PURG: variants seen among roughly 807,000 people sequenced by gnomAD.
PURG encodes the protein purine-rich element-binding protein gamma.
A neutral mutation model predicts 24.3 loss-of-function variants in PURG; 3 were observed. The ratio of observed to expected loss-of-function variants is 0.12; its 90% CI spans 0.06 to 0.32. PURG has a LOEUF of 0.32. PURG is among the 10% of genes least tolerant of loss of function. The pLI, the probability that PURG is intolerant of heterozygous loss-of-function variation, is 1.00. For synonymous variants in PURG, 180 were observed against 173.1 expected, an observed-to-expected ratio of 1.04 and a Z score of -0.31; for missense variants, 371 against 439.1, an observed-to-expected ratio of 0.84 and a Z score of 1.39.
chr8:31,005,768 TTTC>T lies in PURG; in HGVS notation c.865-9074_865-9072del, dbSNP rs200262432. Among the ~76,000 whole-genome samples, 650 of 75,634 alleles carry T rather than the reference TTTC, an allele frequency of 8.6e-3. 10 individuals are homozygous for T. The highest frequency in any genetic ancestry group is 0.032 in the African/African-American group (633 of 19,922). The allele number at this position is 75,634 out of a possible 152,430, so 49.6% of individuals were successfully genotyped here. Reference sequence around the variant, plus strand: ...CAGAAATTGCTTAGCATTTTTCTTTTTTCTTTTTTTTTTTTTTCATTTCAAAAC... The same window carrying T: ...CAGAAATTGCTTAGCATTTTTCTTTTTTTTTTTTTTTTTTCATTTCAAAAC... On this transcript the variant is annotated intron_variant, in intron 1 of 1. Coordinates refer to the PURG transcript ENST00000339382.
chr8:31,033,089 CATCACCGCCGCCGCCGATGCCCTTCACG>C lies in PURG; in HGVS notation c.-46_-19del. ...CGGCGGGCACTCACATCATCTCTGCCATCACCGCCGCCGCCGATGCCCTTCACGACCACCGCCGCCGCCACCGCCAGCT... is the reference window on the plus strand; with the variant it reads ...CGGCGGGCACTCACATCATCTCTGCCACCACCGCCGCCGCCACCGCCAGCT... On this transcript the variant is annotated 5_prime_UTR_variant, in exon 1 of 2. It removes an upstream start codon present in the reference 5' UTR. Transcript: ENST00000523392. 1 of 219,538 alleles carries C rather than the reference CATCACCGCCGCCGCCGATGCCCTTCACG, an allele frequency of 4.6e-6. No individual in the cohort carries two copies. Among genetic ancestry groups the C allele is most frequent in the Non-Finnish European group, 8.9e-6 (1 of 112,374 alleles). The allele number at this position is 219,538 out of a possible 1,614,324, so 13.6% of individuals were successfully genotyped here. A position where few individuals can be genotyped will look rare whatever the true frequency, so the allele number is the denominator to read the frequency against.
At chr8:31,014,106 C>G (rs536506021) in intron 1 of PURG, among the ~76,000 whole-genome samples, 12 of 152,068 alleles carry the variant, frequency 7.9e-5, no homozygotes, top group Admixed American at 2.0e-4. Flanking sequence ...TTAAAAAAAT[C>G]TGAATTATTC....
At chr8:31,022,863 A>G (rs1467490357) in intron 1 of PURG, among the ~76,000 whole-genome samples, 4 of 152,262 alleles carry the variant, frequency 2.6e-5, no homozygotes, top group African/African-American at 9.6e-5. Context: ...TTAGCAAATG[A>G]TAAGGAATGT....
downstream of PURG, among the ~76,000 whole-genome samples, chr8:31,026,655 T>TAC (rs1427993067): frequency 1.6e-5 from 2 of 123,132 alleles, no homozygotes; most frequent in Non-Finnish European, 3.7e-5. Context: ...TATATATATA[T>TAC]ATATATACAT....
rs910567937 is a variant in PURG at position 31,033,217 on chromosome 8, C to T, written c.-146G>A. 5.2e-6 allele frequency: 1 copy of T among 190,482 alleles called. No individual in the cohort carries two copies. Among genetic ancestry groups the T allele is most frequent in the African/African-American group, 2.4e-5 (1 of 41,948 alleles). The allele number at this position is 190,482 out of a possible 1,614,324, so 11.8% of individuals were successfully genotyped here. A position where few individuals can be genotyped will look rare whatever the true frequency, so the allele number is the denominator to read the frequency against. On this transcript the variant is annotated 5_prime_UTR_variant, in exon 1 of 2. Coordinates refer to ENST00000523392, the MANE Select transcript of PURG (RefSeq NM_001323311.2). The stretch of plus-strand genomic sequence containing the variant: ...CCCGCCGCCGCCGCTCGCACTGCCC[C>T]CCGCCGGAGCAGCCGGGCAGGGGCA...
At chr8:31,026,506 G>A (rs1811091576), downstream of PURG, among the ~76,000 whole-genome samples, 1 of 150,894 alleles carries the variant, frequency 6.6e-6, no homozygotes, top group African/African-American at 2.4e-5. Flanking sequence ...TTCAAATTAA[G>A]TGATATGTTA....
chr8:31,014,826 T>G (rs1488722093), intron 1 of PURG, among the ~76,000 whole-genome samples: 2 of 151,952 alleles, frequency 1.3e-5, no homozygotes, highest in Admixed American at 1.3e-4. Flanking sequence ...AACAAACAAA[T>G]AAAATACCAA....
At chr8:31,026,695 C>G (rs928514779), downstream of PURG, among the ~76,000 whole-genome samples, 2 of 147,888 alleles carry the variant, frequency 1.4e-5, no homozygotes, top group Admixed American at 6.8e-5. Flanking sequence ...CAGAGTAACT[C>G]TAGAAGGATA....
chr8:31,018,057 G>T (rs1810909721), intron 1 of PURG, among the ~76,000 whole-genome samples: 1 of 152,056 alleles, frequency 6.6e-6, no homozygotes, highest in Non-Finnish European at 1.5e-5. Flanking sequence ...TTTCTTTGAA[G>T]ATTATAAAAG....
intron 1 of PURG, among the ~76,000 whole-genome samples, chr8:31,008,782 T>C (rs899739093): frequency 6.6e-6 from 1 of 152,238 alleles, no homozygotes; most frequent in African/African-American, 2.4e-5. Flanking sequence ...TTACATAAAC[T>C]GCTCCAAATT....
At chr8:30,996,080 A>C (rs1437866305) in exon 2 of PURG, 1 of 152,232 alleles carries the variant, frequency 6.6e-6, no homozygotes, top group Non-Finnish European at 1.5e-5. Context: ...AATACAAGGC[A>C]ATTTATGATT....
chr8:31,006,021 C>T (rs971723921), intron 1 of PURG, among the ~76,000 whole-genome samples: 1 of 152,078 alleles, frequency 6.6e-6, no homozygotes, highest in African/African-American at 2.4e-5. Flanking sequence ...TGGTCTATCA[C>T]ACTTCAAAAT....
chr8:31,003,420 A>G (rs1810579079), intron 1 of PURG, among the ~76,000 whole-genome samples: 1 of 151,802 alleles, frequency 6.6e-6, no homozygotes, highest in East Asian at 1.9e-4. Context: ...TGATATAAGC[A>G]TTATAGTACT....
chr8:31,032,849 G>A lies in PURG; in HGVS notation c.-6-61C>T. 1 of 1,220,788 alleles carries A rather than the reference G, an allele frequency of 8.2e-7. No homozygotes were observed. The highest frequency in any genetic ancestry group is 1.0e-6 in the Non-Finnish European group (1 of 965,994). 75.6% of individuals were successfully genotyped at this position (1,220,788 alleles called of 1,614,324 possible). A position where few individuals can be genotyped will look rare whatever the true frequency, so the allele number is the denominator to read the frequency against. Reference sequence around the variant, plus strand: ...GGGAGGGGTGTTGAGAACAATCGCAGACGCCCCTCGGCCTGACCGCCCCGC... The same window carrying A: ...GGGAGGGGTGTTGAGAACAATCGCAAACGCCCCTCGGCCTGACCGCCCCGC... On this transcript the variant is annotated intron_variant, in intron 1 of 1. Transcript: ENST00000523392. The surrounding 1 kb of genome is among the most constrained non-coding windows in gnomAD (Gnocchi z 5.9).
intron 1 of PURG, among the ~76,000 whole-genome samples, chr8:31,024,812 C>T (rs1337622676): frequency 6.6e-6 from 1 of 151,854 alleles, no homozygotes; most frequent in Non-Finnish European, 1.5e-5. Flanking sequence ...AAAAAAACAA[C>T]ATAAGCTTTT....
At position 31,006,019 on chromosome 8, in the gene PURG, C is replaced by T. The variant is rs146520379; in HGVS notation, c.865-9322G>A. Reference sequence around the variant, plus strand: ...ACAATCAAGTGTATACATGGTCTATCACACTTCAAAATCACGTTGAATGCC... The same window carrying T: ...ACAATCAAGTGTATACATGGTCTATTACACTTCAAAATCACGTTGAATGCC... On this transcript the variant is annotated intron_variant, in intron 1 of 1. Coordinates refer to the PURG transcript ENST00000339382. Among the ~76,000 whole-genome samples the T allele has an allele frequency of 4.7e-3, 716 of 152,182 alleles. 13 individuals are homozygous for T. The highest frequency in any genetic ancestry group is 0.017 in the African/African-American group (696 of 41,514).
intron 1 of PURG, among the ~76,000 whole-genome samples, chr8:30,999,052 G>A (rs137894971): frequency 3.8e-4 from 58 of 151,922 alleles, no homozygotes; most frequent in Admixed American, 1.1e-3. Flanking sequence ...CAGAATGTAT[G>A]TGTATGGGTA....
At chr8:31,024,779 AT>A (rs1281500135) in intron 1 of PURG, among the ~76,000 whole-genome samples, 7 of 152,110 alleles carry the variant, frequency 4.6e-5, no homozygotes, top group African/African-American at 7.2e-5. Context: ...AATCAGATTT[AT>A]ACCATTATTT....
At chr8:31,027,045 T>C (rs1811103959), downstream of PURG, among the ~76,000 whole-genome samples, 1 of 151,770 alleles carries the variant, frequency 6.6e-6, no homozygotes, top group Non-Finnish European at 1.5e-5. Flanking sequence ...ATTGCTACAG[T>C]ATGGTGGACT....
Sources: allele counts gnomAD v4.1 joint callset (sites outside exome capture counted in the v4.1 genomes callset), GRCh38; gene constraint gnomAD v4.1.1; non-coding constraint Gnocchi (gnomAD v3.1); transcripts MANE v1.5; gene names NCBI Gene and HGNC (gene_info 2026-07-23, HGNC 2026-07-21).